EIF2S1: variants seen among roughly 807,000 people sequenced by gnomAD.
EIF2S1 encodes the protein eukaryotic translation initiation factor 2 subunit alpha.
Under a neutral mutation model 33.5 loss-of-function variants are expected in EIF2S1, and 5 were observed. That is an observed-to-expected ratio of 0.15 (90% CI 0.08 to 0.31). EIF2S1 has a LOEUF of 0.31. Among genes scored for constraint, EIF2S1 ranks in the 10% least tolerant of loss-of-function variants. The probability of loss-of-function intolerance (pLI) is 1.00; values close to 1 mark genes in which losing one functional copy is unlikely to be tolerated. For missense variants in EIF2S1, 191 were observed against 384.6 expected, an observed-to-expected ratio of 0.50 and a Z score of 4.21; for synonymous variants, 99 against 127.5, an observed-to-expected ratio of 0.78 and a Z score of 1.51.
At chr14:67,379,876 G>A (rs1415282017) in intron 4 of EIF2S1, among the ~76,000 whole-genome samples, 1 of 151,530 alleles carries the variant, frequency 6.6e-6, no homozygotes, top group African/African-American at 2.4e-5. Flanking sequence ...GGATGGTCTC[G>A]ATCTCCTGAC....
intron 2 of EIF2S1, among the ~76,000 whole-genome samples, chr14:67,368,074 GA>G (rs1157074520): frequency 6.6e-6 from 1 of 152,186 alleles, no homozygotes; most frequent in African/African-American, 2.4e-5. Flanking sequence ...TTGCCTGAGA[GA>G]AGGGGGCTTG....
intron 1 of EIF2S1, among the ~76,000 whole-genome samples, chr14:67,362,988 C>G (rs1451328333): frequency 1.3e-5 from 2 of 152,072 alleles, no homozygotes; most frequent in Non-Finnish European, 2.9e-5. Flanking sequence ...ACATGATTGC[C>G]CATGTTTTTT....
chr14:67,366,268 T>A (rs2085778111), intron 2 of EIF2S1, among the ~76,000 whole-genome samples: 1 of 152,070 alleles, frequency 6.6e-6, no homozygotes, highest in Admixed American at 6.5e-5. Flanking sequence ...AGAGATGGGG[T>A]CTTGCTGTGT....
At chr14:67,374,608 T>C in intron 3 of EIF2S1, 61 bp downstream of exon 3, 4 of 1,151,808 alleles carry the variant, frequency 3.5e-6, no homozygotes, top group Non-Finnish European at 5.0e-6. Context: ...TAATTTGAAA[T>C]CTTAATTTCA....
chr14:67,368,478 C>T (rs2085795881), intron 2 of EIF2S1, among the ~76,000 whole-genome samples: 1 of 152,012 alleles, frequency 6.6e-6, no homozygotes, highest in South Asian at 2.1e-4. Context: ...TATTTAGTTA[C>T]TACTAATAAT....
At chr14:67,362,264 C>T (rs909289182) in intron 1 of EIF2S1, among the ~76,000 whole-genome samples, 1 of 152,130 alleles carries the variant, frequency 6.6e-6, no homozygotes, top group South Asian at 2.1e-4. Context: ...AAGTGATCCA[C>T]CCGCCTCGGC....
At chr14:67,380,187 C>A (rs192517698) in intron 4 of EIF2S1, among the ~76,000 whole-genome samples, 114 of 152,304 alleles carry the variant, frequency 7.5e-4, no homozygotes, top group African/African-American at 2.6e-3. Flanking sequence ...AGACCCTGGT[C>A]CCTGTCCTGT....
chr14:67,368,812 C>T (rs2085798687), intron 2 of EIF2S1, among the ~76,000 whole-genome samples: 1 of 152,054 alleles, frequency 6.6e-6, no homozygotes, highest in Non-Finnish European at 1.5e-5. Flanking sequence ...CACTTGAGGT[C>T]AGTAGTTCAA....
chr14:67,378,047 T>C (rs1162990844), intron 4 of EIF2S1, among the ~76,000 whole-genome samples: 2 of 151,960 alleles, frequency 1.3e-5, no homozygotes, highest in Admixed American at 6.6e-5. Flanking sequence ...GTCCAGTGGT[T>C]TGAGGTTTCT....
chr14:67,362,557 C>T (rs150407545), intron 1 of EIF2S1, among the ~76,000 whole-genome samples: 2,257 of 152,126 alleles, frequency 0.015, 19 homozygotes, highest in Non-Finnish European at 0.023. Context: ...GTTATCTTTC[C>T]CAAGCAGCCA....
chr14:67,376,727 A>C, intron 4 of EIF2S1, 137 bp downstream of exon 4: 2 of 803,736 alleles, frequency 2.5e-6, no homozygotes, highest in Non-Finnish European at 3.9e-6. Flanking sequence ...AAATGGGCCA[A>C]TCCTATATGG....
In EIF2S1 at chr14:67,386,336, TAAAG is replaced by T. The variant is rs1328888180; in HGVS notation, c.*2898_*2901del. ...ACTAACAAGGGACAGTTCAAACTAT[TAAAG>T]AGAACAAATTTTTACTTAAGCACTT... On this transcript the variant is annotated 3_prime_UTR_variant, in exon 8 of 8. Transcript: ENST00000256383. The T allele has an allele frequency of 2.1e-5, 3 of 146,290 alleles. No individual in the cohort carries two copies. The highest frequency in any genetic ancestry group is 2.9e-5 in the Non-Finnish European group (2 of 68,008). 9.1% of individuals were successfully genotyped at this position (146,290 alleles called of 1,614,324 possible).
rs115038736 is a variant in EIF2S1, at chr14:67,374,959, C to A, written c.321+412C>A. On this transcript the variant is annotated intron_variant, in intron 3 of 7. Transcript: ENST00000256383. ...CTGGGATGAGGGTAACGGAGACAAC[C>A]AGCTGTTATATGTTAAGAATGAACA... 4.1e-3 allele frequency among the ~76,000 whole-genome samples: 618 copies of A among 152,252 alleles called. 3 individuals carry two copies. The highest frequency in any genetic ancestry group is 0.014 in the African/African-American group (563 of 41,542).
chr14:67,382,416 T>C lies in EIF2S1; in HGVS notation c.679-31T>C, dbSNP rs773612996. On this transcript the variant is annotated intron_variant, in intron 6 of 7. Transcript: ENST00000256383. ...ATAGTTGTGGGTTCTGTAGGTACAT[T>C]CATAAATGAATTTTTGTCTTTCTCT... 1.9e-6 allele frequency: 3 copies of C among 1,593,306 alleles called. No homozygotes were observed. The South Asian group carries it at 3.4e-5, about 18-fold the overall frequency.
At chr14:67,366,945 G>A (rs1365023777) in intron 2 of EIF2S1, among the ~76,000 whole-genome samples, 1 of 152,030 alleles carries the variant, frequency 6.6e-6, no homozygotes, top group Non-Finnish European at 1.5e-5. Context: ...GGTCTTATTG[G>A]CTTTAGAACT....
intron 1 of EIF2S1, among the ~76,000 whole-genome samples, chr14:67,362,247 T>G (rs1248949527): frequency 2.6e-5 from 4 of 152,036 alleles, no homozygotes; most frequent in Non-Finnish European, 5.9e-5. Context: ...CTCGAACTCC[T>G]GGTTTCAAGT....
Position 67,370,797 on chromosome 14 carries a change from G to A in EIF2S1, c.242-3671G>A, listed in dbSNP as rs193097591. On this transcript the variant is annotated intron_variant, in intron 2 of 7. Coordinates refer to ENST00000256383, the MANE Select transcript of EIF2S1 (RefSeq NM_004094.5). ...TTCCAGCACTTTGGGAGGTTGAGGTGGGCAGATTGCTTGAGCCCAGGAGTT... is the reference window on the plus strand; with the variant it reads ...TTCCAGCACTTTGGGAGGTTGAGGTAGGCAGATTGCTTGAGCCCAGGAGTT... 3.9e-4 allele frequency among the ~76,000 whole-genome samples: 59 copies of A among 152,252 alleles called. No homozygotes were observed. In the East Asian group the frequency reaches 0.011, roughly 28 times the overall value.
rs1263656893 is a variant in EIF2S1, at chr14:67,384,781, TGA to T, written c.*1347_*1348del. Reference sequence around the variant, plus strand: ...GTTTTAACTTCCAGTGGCTGGTTTCTGAGAGAGTGCCATGATTGCTAGCCAGC... The same window carrying T: ...GTTTTAACTTCCAGTGGCTGGTTTCTGAGAGTGCCATGATTGCTAGCCAGC... On this transcript the variant is annotated 3_prime_UTR_variant, in exon 8 of 8. Coordinates refer to ENST00000256383, the MANE Select transcript of EIF2S1 (RefSeq NM_004094.5). 6.6e-6 allele frequency: 1 copy of T among 152,192 alleles called. No homozygotes were observed. The highest frequency in any genetic ancestry group is 2.4e-5 in the African/African-American group (1 of 41,452). The allele number at this position is 152,192 out of a possible 1,614,324, so 9.4% of individuals were successfully genotyped here.
rs960262625 is a variant in EIF2S1 at position 67,381,505 on chromosome 14, C to T, written c.581-88C>T. Reference sequence around the variant, plus strand: ...TGGATTCAGTATAAGTATTTGAATACTAATATATCTGCCACGTGTTTGATT... The same window carrying T: ...TGGATTCAGTATAAGTATTTGAATATTAATATATCTGCCACGTGTTTGATT... On this transcript the variant is annotated intron_variant, in intron 5 of 7. Transcript: ENST00000256383. 6 of 993,074 alleles carry T rather than the reference C, an allele frequency of 6.0e-6. No individual in the cohort carries two copies. The Admixed American group carries it at 7.2e-5, about 12-fold the overall frequency. The allele number at this position is 993,074 out of a possible 1,614,324, so 61.5% of individuals were successfully genotyped here.
Sources: allele counts gnomAD v4.1 joint callset (sites outside exome capture counted in the v4.1 genomes callset), GRCh38; gene constraint gnomAD v4.1.1; transcripts MANE v1.5; gene names NCBI Gene and HGNC (gene_info 2026-07-23, HGNC 2026-07-21).